The following PPM1E variants were observed in gnomAD, a reference collection of about 807,000 sequenced individuals.
PPM1E encodes the protein protein phosphatase, Mg2+/Mn2+ dependent 1E.
In PPM1E, 20 loss-of-function variants were observed where a neutral mutation model predicts 65.9. That is an observed-to-expected ratio of 0.30 (90% CI 0.21 to 0.44). PPM1E has a LOEUF of 0.44. PPM1E is among the 20% of genes least tolerant of loss of function. The probability of loss-of-function intolerance (pLI) is 1.00; values close to 1 mark genes in which losing one functional copy is unlikely to be tolerated. For missense variants in PPM1E, 713 were observed against 953.1 expected (o/e 0.75, Z 3.32); for synonymous variants, 352 against 374.9 (o/e 0.94, Z 0.70).
At chr17:58,837,258 A>AT (rs1294047581) in intron 1 of PPM1E, among the ~76,000 whole-genome samples, 13 of 114,158 alleles carry the variant, frequency 1.1e-4, no homozygotes, top group African/African-American at 6.1e-5. Context: ...TCTTAAAAAA[A>AT]TTAAAAAAAA....
rs1567838929 is a variant in PPM1E at position 58,805,984 on chromosome 17, ACAAAACAAAAC to A, written c.464+49524_464+49534del. Among the ~76,000 whole-genome samples, 654 of 100,148 alleles carry A rather than the reference ACAAAACAAAAC, an allele frequency of 6.5e-3. 37 individuals carry two copies. The highest frequency in any genetic ancestry group is 0.017 in the African/African-American group (381 of 22,930). The allele number at this position is 100,148 out of a possible 152,430, so 65.7% of individuals were successfully genotyped here. A position where few individuals can be genotyped will look rare whatever the true frequency, so the allele number is the denominator to read the frequency against. On this transcript the variant is annotated intron_variant, in intron 1 of 6. Coordinates refer to ENST00000308249, the MANE Select transcript of PPM1E (RefSeq NM_014906.5). ...AACAAAAAAAAAAAACAAAAAAAAA[ACAAAACAAAAC>A]AAAACAAAAAAAAAACTATATGTAG... is the stretch of plus-strand genomic sequence containing the variant.
At chr17:58,805,978 AAAAAAACAAAACAAAACAAAAC>A (rs2050307236) in intron 1 of PPM1E, among the ~76,000 whole-genome samples, 11 of 109,172 alleles carry the variant, frequency 1.0e-4, no homozygotes, top group African/African-American at 1.3e-4. Context: ...AAAAAACAAA[AAAAAAACAAAACAAAACAAAAC>A]AAAAAAAAAA....
chr17:58,838,430 C>T (rs568246991), intron 1 of PPM1E, among the ~76,000 whole-genome samples: 1 of 152,254 alleles, frequency 6.6e-6, no homozygotes, highest in African/African-American at 2.4e-5. Context: ...ACTAAAAAGA[C>T]GCTCATCATT....
intron 1 of PPM1E, among the ~76,000 whole-genome samples, chr17:58,845,101 C>T (rs2050757867): frequency 6.6e-6 from 1 of 152,064 alleles, no homozygotes; most frequent in East Asian, 1.9e-4. Flanking sequence ...AACAGTGTTG[C>T]TAATCACTTA....
At position 58,756,217 on chromosome 17, in the gene PPM1E, G is replaced by T; in HGVS notation, c.220G>T (p.Ala74Ser). The change falls in exon 1 of 7, where the codon GCC becomes TCC. Residue 74 changes from alanine (A) to serine (S), a missense_variant. Physicochemically the swap from Ala to Ser is moderately conservative, Grantham distance 99. This residue lies in a region of PPM1E where 212 missense variants were observed against 204.0 expected (regional missense o/e 1.04). Coordinates refer to ENST00000308249, the MANE Select transcript of PPM1E (RefSeq NM_014906.5). ...ACCCGGGGAGGAGGCGGCCACGGTA[G>T]CCGCGACGGAGGAGGGGGACCAGGA... The part of the protein sequence containing the change: ...EEPGEEAATV[A>S]ATEEGDQEQD... 6.4e-7 allele frequency: 1 copy of T among 1,555,180 alleles called. No homozygotes were observed. Among genetic ancestry groups the T allele is most frequent in the Non-Finnish European group, 8.7e-7 (1 of 1,149,034 alleles).
In PPM1E at chr17:58,786,265, C is replaced by T. The variant is rs551952898; in HGVS notation, c.464+29804C>T. 7.9e-5 allele frequency among the ~76,000 whole-genome samples: 12 copies of T among 152,204 alleles called. No individual in the cohort carries two copies. In the South Asian group the frequency reaches 2.5e-3, roughly 32 times the overall value. On this transcript the variant is annotated intron_variant, in intron 1 of 6. Coordinates refer to ENST00000308249, the MANE Select transcript of PPM1E (RefSeq NM_014906.5). The stretch of plus-strand genomic sequence containing the variant: ...TCCTGACCTCGTGATCTGCCCGCCT[C>T]GGCCTCCCAAAGTGCTGGGATTACA...
intron 1 of PPM1E, among the ~76,000 whole-genome samples, chr17:58,826,778 AC>A (rs778724334): frequency 1.3e-5 from 2 of 151,346 alleles, no homozygotes; most frequent in Non-Finnish European, 1.5e-5. Context: ...GGTGCATGCC[AC>A]CTCACCTGGC....
chr17:58,867,390 C>T lies in PPM1E; in HGVS notation c.465-88259C>T, dbSNP rs149964972. Reference sequence around the variant, plus strand: ...TATTAGATTCTGTACAAATTTCTAACCTCTACCATTAGATTTTCTTATGGG... The same window carrying T: ...TATTAGATTCTGTACAAATTTCTAATCTCTACCATTAGATTTTCTTATGGG... On this transcript the variant is annotated intron_variant, in intron 1 of 6. Transcript: ENST00000308249. Among the ~76,000 whole-genome samples, 141 of 152,310 alleles carry T rather than the reference C, an allele frequency of 9.3e-4. 1 individual carries two copies. The highest frequency in any genetic ancestry group is 3.3e-3 in the African/African-American group (138 of 41,574).
intron 1 of PPM1E, among the ~76,000 whole-genome samples, chr17:58,917,782 T>C (rs2143523505): frequency 6.6e-6 from 1 of 152,382 alleles, no homozygotes; most frequent in East Asian, 1.9e-4. Context: ...TAACTCATTT[T>C]GTTTTTTTTA....
At chr17:58,976,853 G>C (rs1383046707) in intron 6 of PPM1E, among the ~76,000 whole-genome samples, 2 of 152,126 alleles carry the variant, frequency 1.3e-5, no homozygotes, top group Non-Finnish European at 2.9e-5. Context: ...TTTGGGAACA[G>C]TGTGACTCAG....
chr17:58,799,690 C>T (rs1422930452), intron 1 of PPM1E, among the ~76,000 whole-genome samples: 2 of 152,112 alleles, frequency 1.3e-5, no homozygotes, highest in African/African-American at 2.4e-5. Context: ...GTGATCTACC[C>T]GCCTCAGCCT....
intron 1 of PPM1E, among the ~76,000 whole-genome samples, chr17:58,889,056 A>T (rs914087231): frequency 6.6e-6 from 1 of 152,204 alleles, no homozygotes; most frequent in Admixed American, 6.5e-5. Flanking sequence ...AGTTATTAGA[A>T]TCATTATAAC....
At chr17:58,773,899 T>C (rs1598561885) in intron 1 of PPM1E, among the ~76,000 whole-genome samples, 2 of 152,188 alleles carry the variant, frequency 1.3e-5, no homozygotes, top group African/African-American at 2.4e-5. Context: ...CGGTGGCTCA[T>C]GCCTCTAATC....
rs369815595 is a variant in PPM1E, at chr17:58,980,312, G to C, written c.1549G>C (p.Asp517His). Reference protein sequence around the residue: ...SFQGGQEDGGDDKENHGECKR... With the variant: ...SFQGGQEDGGHDKENHGECKR... Reference sequence around the variant, plus strand: ...TCAAGGAGGGCAAGAAGATGGTGGGGATGATAAGGAGAATCATGGAGAGTG... The same window carrying C: ...TCAAGGAGGGCAAGAAGATGGTGGGCATGATAAGGAGAATCATGGAGAGTG... The change falls in exon 7 of 7, where the codon GAT (aspartate) becomes CAT (histidine). Residue 517 changes from aspartate to histidine, a missense_variant. Asp to His is a moderately conservative substitution (Grantham distance 81). Transcript: ENST00000308249. The surrounding 1 kb of genome is among the most constrained non-coding windows in gnomAD (Gnocchi z 4.7). 4.2e-5 allele frequency: 68 copies of C among 1,614,028 alleles called. No individual in the cohort carries two copies. Among genetic ancestry groups the C allele is most frequent in the African/African-American group, 6.7e-5 (5 of 74,930 alleles).
chr17:58,767,424 T>C (rs2049892026), intron 1 of PPM1E, among the ~76,000 whole-genome samples: 1 of 152,186 alleles, frequency 6.6e-6, no homozygotes, highest in Non-Finnish European at 1.5e-5. Flanking sequence ...CATGCTACAT[T>C]ACAAACATTT....
Position 58,755,941 on chromosome 17 carries a change from A to T in PPM1E, c.-57A>T. 6.2e-7 allele frequency: 1 copy of T among 1,608,950 alleles called. No individual in the cohort carries two copies. The highest frequency in any genetic ancestry group is 8.5e-7 in the Non-Finnish European group (1 of 1,177,468). ...GCCCTAGGCTCAAAAGCAGCCCCTT[A>T]CCCTTCCTGGGCTTCCCCCAACCCC... is the stretch of plus-strand genomic sequence containing the variant. On this transcript the variant is annotated 5_prime_UTR_variant, in exon 1 of 7. Coordinates refer to ENST00000308249, the MANE Select transcript of PPM1E (RefSeq NM_014906.5).
intron 1 of PPM1E, among the ~76,000 whole-genome samples, chr17:58,824,779 T>A (rs1185400566): frequency 6.6e-6 from 1 of 151,242 alleles, no homozygotes; most frequent in Non-Finnish European, 1.5e-5. Flanking sequence ...TTGTATTTTT[T>A]TTTTTTTTTC....
chr17:58,902,157 T>TA lies in PPM1E; in HGVS notation c.465-53484dup, dbSNP rs530070359. On this transcript the variant is annotated intron_variant, in intron 1 of 6. Transcript: ENST00000308249. ...GAAAATGAGGTAAAGGAGAAAAAAT[T>TA]AAAAAAAATAGACCTGTATACAGAG... Among the ~76,000 whole-genome samples, 229 of 151,804 alleles carry TA rather than the reference T, an allele frequency of 1.5e-3. 10 individuals are homozygous for TA. The South Asian group carries it at 0.047, about 31-fold the overall frequency.
At chr17:58,873,235 T>G (rs2051090705) in intron 1 of PPM1E, among the ~76,000 whole-genome samples, 1 of 152,208 alleles carries the variant, frequency 6.6e-6, no homozygotes, top group African/African-American at 2.4e-5. Context: ...TTCTGATGTT[T>G]GCTGCATATA....
Sources: allele counts gnomAD v4.1 joint callset (sites outside exome capture counted in the v4.1 genomes callset), GRCh38; gene constraint gnomAD v4.1.1; regional missense constraint gnomAD v4.1.1; non-coding constraint Gnocchi (gnomAD v3.1); transcripts MANE v1.5; gene names NCBI Gene and HGNC (gene_info 2026-07-23, HGNC 2026-07-21).